GALNTL6: variants seen among roughly 807,000 people sequenced by gnomAD.
The protein encoded by GALNTL6 is polypeptide N-acetylgalactosaminyltransferase-like 6.
A neutral mutation model predicts 73.7 loss-of-function variants in GALNTL6; 46 were observed. That is an observed-to-expected ratio of 0.62 (90% CI 0.49 to 0.80). The LOEUF (loss-of-function observed/expected upper bound fraction) is 0.80, where lower values mean the gene tolerates loss of function less well. Among genes scored for constraint, GALNTL6 ranks in the 30% least tolerant of loss-of-function variants. The pLI is 0.00. For synonymous variants in GALNTL6, 259 were observed against 263.7 expected (o/e 0.98, Z 0.17); for missense variants, 604 against 755.0 (o/e 0.80, Z 2.34).
At chr4:172,779,319 C>T (rs1339226066) in intron 5 of GALNTL6, among the ~76,000 whole-genome samples, 1 of 152,164 alleles carries the variant, frequency 6.6e-6, no homozygotes, top group Non-Finnish European at 1.5e-5. Context: ...AGAGCAGAAA[C>T]TCTTGACCTT....
chr4:172,855,500 G>C (rs1047774935), intron 7 of GALNTL6, among the ~76,000 whole-genome samples: 1 of 152,154 alleles, frequency 6.6e-6, no homozygotes, highest in African/African-American at 2.4e-5. Context: ...AATGACTGCA[G>C]CTTGAGAAAG....
In GALNTL6 at chr4:171,991,918, A is replaced by G. The variant is rs547279164; in HGVS notation, c.138+177200A>G. Among the ~76,000 whole-genome samples the G allele has an allele frequency of 5.3e-5, 8 of 151,956 alleles. No homozygotes were observed. The East Asian group carries it at 9.7e-4, about 18-fold the overall frequency. On this transcript the variant is annotated intron_variant, in intron 2 of 12. Coordinates refer to ENST00000506823, the MANE Select transcript of GALNTL6 (RefSeq NM_001034845.3). Reference sequence around the variant, plus strand: ...AGTAACTGTGTAATTGTCAAATAAAAAAATCCATAAAATGAACATTATTAA... The same window carrying G: ...AGTAACTGTGTAATTGTCAAATAAAGAAATCCATAAAATGAACATTATTAA...
intron 5 of GALNTL6, among the ~76,000 whole-genome samples, chr4:172,796,696 T>C (rs996129773): frequency 2.0e-5 from 3 of 152,208 alleles, no homozygotes; most frequent in African/African-American, 4.8e-5. Flanking sequence ...AGAGGACACA[T>C]CTTTAGCAGG....
chr4:171,963,730 A>G (rs538051928), intron 2 of GALNTL6, among the ~76,000 whole-genome samples: 4 of 152,278 alleles, frequency 2.6e-5, no homozygotes, highest in Admixed American at 1.3e-4. Flanking sequence ...CATTCAAGGA[A>G]CCATATTAAC....
intron 4 of GALNTL6, among the ~76,000 whole-genome samples, chr4:172,320,354 A>G (rs1045216375): frequency 1.3e-5 from 2 of 152,092 alleles, no homozygotes; most frequent in African/African-American, 2.4e-5. Flanking sequence ...CCCCACCCTT[A>G]TCTCCAGAGC....
intron 2 of GALNTL6, among the ~76,000 whole-genome samples, chr4:171,872,162 T>C (rs1013823467): frequency 5.3e-5 from 8 of 152,226 alleles, no homozygotes; most frequent in African/African-American, 1.9e-4. Context: ...TGCTTCATAG[T>C]GTGTTGGAGA....
chr4:172,057,406 G>C (rs974501659), intron 2 of GALNTL6, among the ~76,000 whole-genome samples: 1 of 151,648 alleles, frequency 6.6e-6, no homozygotes, highest in African/African-American at 2.4e-5. Context: ...AAAAAGTGTA[G>C]GCCAAGCATT....
At chr4:172,422,250 C>T (rs1375108222) in intron 5 of GALNTL6, among the ~76,000 whole-genome samples, 1 of 152,078 alleles carries the variant, frequency 6.6e-6, no homozygotes, top group Non-Finnish European at 1.5e-5. Context: ...CTTGAAAATA[C>T]TTAAATGAGG....
intron 2 of GALNTL6, among the ~76,000 whole-genome samples, chr4:172,167,994 TC>T (rs1560950797): frequency 6.6e-6 from 1 of 151,792 alleles, no homozygotes; most frequent in Non-Finnish European, 1.5e-5. Context: ...AAGAAACATT[TC>T]TGAGGCCAAA....
At chr4:172,936,508 G>T (rs1245993455) in intron 9 of GALNTL6, among the ~76,000 whole-genome samples, 1 of 152,152 alleles carries the variant, frequency 6.6e-6, no homozygotes, top group Non-Finnish European at 1.5e-5. Flanking sequence ...TGACATGATT[G>T]TGTATTTAGA....
intron 5 of GALNTL6, among the ~76,000 whole-genome samples, chr4:172,583,219 G>C (rs1433314454): frequency 1.3e-5 from 2 of 152,088 alleles, no homozygotes; most frequent in Non-Finnish European, 2.9e-5. Context: ...CTAGGTTTCA[G>C]GGTACAAGAA....
chr4:171,946,635 A>G (rs1356433208), intron 2 of GALNTL6, among the ~76,000 whole-genome samples: 4 of 152,158 alleles, frequency 2.6e-5, no homozygotes, highest in South Asian at 2.1e-4. Flanking sequence ...ATTGTGATAC[A>G]TGTTATGAAG....
intron 9 of GALNTL6, among the ~76,000 whole-genome samples, chr4:172,948,329 C>T (rs557568668): frequency 5.3e-5 from 8 of 152,172 alleles, no homozygotes; most frequent in Non-Finnish European, 1.0e-4. Flanking sequence ...TGTAAAACTA[C>T]AGAAAAGGAA....
intron 2 of GALNTL6, among the ~76,000 whole-genome samples, chr4:172,095,834 C>G (rs1163914764): frequency 6.6e-6 from 1 of 151,298 alleles, no homozygotes; most frequent in Non-Finnish European, 1.5e-5. Context: ...TTTTCCCCAC[C>G]TAGAATTATT....
rs565198495 is a variant in GALNTL6 at position 172,168,913 on chromosome 4, A to G, written c.139-60743A>G. 9.3e-5 allele frequency among the ~76,000 whole-genome samples: 14 copies of G among 150,384 alleles called. No individual in the cohort carries two copies. In the East Asian group the frequency reaches 2.7e-3, roughly 29 times the overall value. On this transcript the variant is annotated intron_variant, in intron 2 of 12. Coordinates refer to ENST00000506823, the MANE Select transcript of GALNTL6 (RefSeq NM_001034845.3). ...TGTACTAAGGATATGATAGTATATC[A>G]TACCCCAAACATCATGAACTGATGA...
chr4:172,860,340 T>C (rs958225867), intron 7 of GALNTL6, among the ~76,000 whole-genome samples: 1 of 152,162 alleles, frequency 6.6e-6, no homozygotes, highest in Non-Finnish European at 1.5e-5. Context: ...ACAGCTTTTG[T>C]TTTTAAGAAA....
At chr4:172,389,712 G>A (rs1476560197) in intron 5 of GALNTL6, among the ~76,000 whole-genome samples, 2 of 152,084 alleles carry the variant, frequency 1.3e-5, no homozygotes, top group African/African-American at 2.4e-5. Context: ...ATAAAAGAAA[G>A]TATGTAGAAC....
chr4:172,806,815 T>C (rs923874583), intron 5 of GALNTL6, among the ~76,000 whole-genome samples: 1 of 152,212 alleles, frequency 6.6e-6, no homozygotes, highest in African/African-American at 2.4e-5. Flanking sequence ...ACAATATCTT[T>C]TGTGGTCCAA....
Position 172,528,963 on chromosome 4 carries a change from ATGTGTG to A in GALNTL6, c.553+180278_553+180283del, listed in dbSNP as rs373123425. Among the ~76,000 whole-genome samples, 58 of 30,194 alleles carry A rather than the reference ATGTGTG, an allele frequency of 1.9e-3. No homozygotes were observed. The East Asian group carries it at 0.025, about 13-fold the overall frequency. 19.8% of individuals were successfully genotyped at this position (30,194 alleles called of 152,430 possible). The stretch of plus-strand genomic sequence containing the variant: ...TGTTTTCCCAAAGGCATATATATAT[ATGTGTG>A]TGTATATTTATACATATGTGTGTAT... On this transcript the variant is annotated intron_variant, in intron 5 of 12. Coordinates refer to ENST00000506823, the MANE Select transcript of GALNTL6 (RefSeq NM_001034845.3).
Sources: gnomAD v4.1 joint callset for allele counts (sites outside exome capture counted in the v4.1 genomes callset) on GRCh38, gnomAD v4.1.1 for gene constraint, MANE v1.5 for transcripts, NCBI Gene and HGNC (gene_info 2026-07-23, HGNC 2026-07-21) for gene names.